The following TENM1 variants were observed in gnomAD, a reference collection of about 807,000 sequenced individuals.
TENM1 encodes teneurin transmembrane protein 1, also known as teneurin-1.
In TENM1, 35 loss-of-function variants were observed where a neutral mutation model predicts 174.8. The observed-to-expected ratio is 0.20, with a 90% CI of 0.15 to 0.27. The LOEUF is 0.27. Among genes scored for constraint, TENM1 ranks in the 10% least tolerant of loss-of-function variants. TENM1 has a pLI of 1.00. For missense variants in TENM1, 1,633 were observed against 2,130.1 expected (o/e 0.77, Z 4.59); for synonymous variants, 781 against 798.7 (o/e 0.98, Z 0.37).
At chrX:124,608,609 T>C (rs1387750416) in intron 11 of TENM1, among the ~76,000 whole-genome samples, 1 of 111,219 alleles carries the variant, frequency 9.0e-6, no homozygotes, top group Non-Finnish European at 1.9e-5. Flanking sequence ...TGGAACTCTA[T>C]TTTGTCATTT....
chrX:124,650,897 G>T (rs935394876), intron 8 of TENM1, among the ~76,000 whole-genome samples: 4 of 111,994 alleles, frequency 3.6e-5, no homozygotes, highest in African/African-American at 1.3e-4. Context: ...TACTTTAGAA[G>T]AAAGTTTTGA....
chrX:124,668,596 A>G (rs1418002190), intron 6 of TENM1, among the ~76,000 whole-genome samples: 7 of 110,814 alleles, frequency 6.3e-5, no homozygotes, highest in African/African-American at 2.3e-4. Context: ...AACTAACACA[A>G]GGACAAAAAA....
chrX:124,578,265 C>T (rs1280168311), intron 11 of TENM1, among the ~76,000 whole-genome samples: 1 of 111,648 alleles, frequency 9.0e-6, no homozygotes, highest in East Asian at 2.8e-4. Context: ...GATAATAGTC[C>T]TAGTTTCCAA....
chrX:124,922,597 A>G (rs1228528959), intron 1 of TENM1, among the ~76,000 whole-genome samples: 1 of 110,853 alleles, frequency 9.0e-6, no homozygotes, highest in Non-Finnish European at 1.9e-5. Flanking sequence ...GAAAATTTAT[A>G]GCGTTAAATG....
At chrX:124,427,315 CT>C (rs1427638710) in intron 23 of TENM1, among the ~76,000 whole-genome samples, 2 of 112,232 alleles carry the variant, frequency 1.8e-5, no homozygotes, top group Non-Finnish European at 3.8e-5. Flanking sequence ...GGGAAATAAG[CT>C]GTTAAATTCT....
At chrX:124,392,477 T>G (rs972977754) in intron 27 of TENM1, 129 bp from the exon 31 acceptor site, 7 of 512,370 alleles carry the variant, frequency 1.4e-5, no homozygotes, top group Non-Finnish European at 1.9e-5. Flanking sequence ...CCTCACGGCT[T>G]CACATTCCAC....
At chrX:124,436,191 C>G (rs866959101) in intron 23 of TENM1, among the ~76,000 whole-genome samples, 1 of 111,851 alleles carries the variant, frequency 8.9e-6, no homozygotes, top group Non-Finnish European at 1.9e-5. Context: ...CAGCTCCCAA[C>G]TCACCCCTTT....
At chrX:124,472,190 T>C (rs1603280103) in intron 22 of TENM1, among the ~76,000 whole-genome samples, 1 of 107,637 alleles carries the variant, frequency 9.3e-6, no homozygotes, top group East Asian at 2.9e-4. Context: ...CTAGGAGAGA[T>C]AGACTGAGGG....
Position 124,750,025 on chromosome X carries a change from C to A in TENM1, c.536-12828G>T, listed in dbSNP as rs1242081640. Among the ~76,000 whole-genome samples the A allele has an allele frequency of 3.6e-5, 4 of 111,460 alleles. No individual in the cohort carries two copies. The Admixed American group carries it at 3.8e-4, about 11-fold the overall frequency. On this transcript the variant is annotated intron_variant, in intron 3 of 31. Transcript: ENST00000422452. ...CCAGTATGAATTTAGATTATGAAAC[C>A]AATTTTCTTTCAAAGAATTCAGTGA... is the stretch of plus-strand genomic sequence containing the variant.
chrX:124,911,078 G>T (rs2057828543), intron 1 of TENM1, among the ~76,000 whole-genome samples: 1 of 110,039 alleles, frequency 9.1e-6, no homozygotes, highest in Non-Finnish European at 1.9e-5. Context: ...ACCACACCCG[G>T]CTAATTTTTT....
At chrX:125,200,648 T>C in the TENM1 span, among the ~76,000 whole-genome samples, 22 of 60,139 alleles carry the variant, frequency 3.7e-4, no homozygotes, top group Admixed American at 2.6e-3. Context: ...TGTGTGTGTG[T>C]GTGTGTGAGA....
chrX:124,994,812 C>T, the TENM1 span, among the ~76,000 whole-genome samples: 1 of 111,417 alleles, frequency 9.0e-6, no homozygotes, highest in Non-Finnish European at 1.9e-5. Flanking sequence ...CTTCTCTGGA[C>T]ACTTTCTGAT....
chrX:124,704,973 T>C (rs2148493793), intron 5 of TENM1, 40 bp downstream of exon 8: 1 of 1,081,959 alleles, frequency 9.2e-7, no homozygotes, highest in Non-Finnish European at 1.3e-6. Context: ...AACAAGACTT[T>C]GATTAAGAAC....
chrX:125,160,396 C>T, the TENM1 span, among the ~76,000 whole-genome samples: 2 of 104,258 alleles, frequency 1.9e-5, no homozygotes, highest in Non-Finnish European at 3.9e-5. Context: ...GGCGTGGTAG[C>T]GCATGCCTGT....
At chrX:125,161,255 C>G in the TENM1 span, among the ~76,000 whole-genome samples, 1 of 111,440 alleles carries the variant, frequency 9.0e-6, no homozygotes, top group Non-Finnish European at 1.9e-5. Context: ...CACACATCCT[C>G]TGGTACACTT....
intron 11 of TENM1, 45 bp from the exon 15 acceptor site, chrX:124,565,605 C>A (rs780140601): frequency 1.1e-6 from 1 of 938,342 alleles, no homozygotes; most frequent in Admixed American, 3.3e-5. Flanking sequence ...TTTGTTAAAA[C>A]CAGCATCCAT....
intron 3 of TENM1, among the ~76,000 whole-genome samples, chrX:124,797,053 T>C (rs935042085): frequency 8.9e-6 from 1 of 111,869 alleles, no homozygotes; most frequent in Non-Finnish European, 1.9e-5. Flanking sequence ...CACTTCACCA[T>C]GAGCTCACTT....
At chrX:125,141,790 G>C in the TENM1 span, among the ~76,000 whole-genome samples, 1 of 111,524 alleles carries the variant, frequency 9.0e-6, no homozygotes, top group Non-Finnish European at 1.9e-5. Context: ...ACAATCTTGT[G>C]TTTATAGTTC....
the TENM1 span, among the ~76,000 whole-genome samples, chrX:125,180,902 A>T: frequency 9.0e-6 from 1 of 111,525 alleles, no homozygotes; most frequent in Admixed American, 9.5e-5. Context: ...TTCATCTGAC[A>T]ATACCAAATT....
Sources: allele counts gnomAD v4.1 joint callset (sites outside exome capture counted in the v4.1 genomes callset), GRCh38; gene constraint gnomAD v4.1.1; transcripts MANE v1.5; gene names NCBI Gene and HGNC (gene_info 2026-07-23, HGNC 2026-07-21).